Variants in POLR3B observed in about 807,000 individuals in gnomAD.
The protein encoded by POLR3B is RNA polymerase III subunit B, also known as DNA-directed RNA polymerase III subunit RPC2.
A neutral mutation model predicts 147.4 loss-of-function variants in POLR3B; 96 were observed. The observed-to-expected ratio is 0.65, with a 90% confidence interval of 0.55 to 0.77. The LOEUF is 0.77. POLR3B is among the 30% of genes least tolerant of loss of function. The probability of loss-of-function intolerance (pLI) is 0.00; values close to 1 mark genes in which losing one functional copy is unlikely to be tolerated. For synonymous variants in POLR3B, 461 were observed against 485.9 expected (o/e 0.95, Z 0.67); for missense variants, 1,036 against 1,413.5 (o/e 0.73, Z 4.28).
intron 7 of POLR3B, 22 bp from the exon 8 acceptor site, chr12:106,378,245 T>G: frequency 3.5e-6 from 5 of 1,433,236 alleles, no homozygotes; most frequent in Non-Finnish European, 4.9e-6. Flanking sequence ...ATGATGAAGT[T>G]TTTCTTGTTT....
At chr12:106,461,653 TG>T (rs1333186092) in intron 22 of POLR3B, among the ~76,000 whole-genome samples, 1 of 152,202 alleles carries the variant, frequency 6.6e-6, no homozygotes, top group African/African-American at 2.4e-5. Flanking sequence ...TGGCACATAG[TG>T]GGTATTCAGT....
chr12:106,386,410 T>C (rs17038414), intron 9 of POLR3B, among the ~76,000 whole-genome samples: 34,663 of 150,790 alleles, frequency 0.23, 4,354 homozygotes, highest in African/African-American at 0.31. Context: ...GGCAGTATGT[T>C]CCCATGCATC....
At chr12:106,477,836 C>G (rs1270227924) in intron 23 of POLR3B, among the ~76,000 whole-genome samples, 2 of 147,188 alleles carry the variant, frequency 1.4e-5, no homozygotes, top group South Asian at 2.2e-4. Flanking sequence ...GCGTCGCTCA[C>G]GGGCTGGGAG....
intron 20 of POLR3B, 152 bp from the exon 21 acceptor site, chr12:106,456,986 T>G: frequency 1.4e-6 from 1 of 718,962 alleles, no homozygotes; most frequent in Non-Finnish European, 2.5e-6. Flanking sequence ...TTTTATTTGG[T>G]TTGTACTGGT....
At chr12:106,359,065 A>G (rs2136872309) in intron 1 of POLR3B, among the ~76,000 whole-genome samples, 1 of 152,250 alleles carries the variant, frequency 6.6e-6, no homozygotes, top group South Asian at 2.1e-4. Flanking sequence ...AAATAATACA[A>G]AAATTAGCTG....
intron 23 of POLR3B, among the ~76,000 whole-genome samples, chr12:106,484,757 C>T (rs1205093681): frequency 1.3e-5 from 2 of 151,264 alleles, no homozygotes; most frequent in Middle Eastern, 3.4e-3. Flanking sequence ...AGCTGAGACA[C>T]GAAGGATACA....
intron 23 of POLR3B, among the ~76,000 whole-genome samples, chr12:106,466,729 G>T (rs917700023): frequency 5.3e-5 from 8 of 152,088 alleles, no homozygotes; most frequent in Non-Finnish European, 1.0e-4. Flanking sequence ...CATTGCTTGT[G>T]TGTGTCAGGT....
rs772535359 is a variant in POLR3B, at chr12:106,430,345, A to G, written c.1336A>G (p.Ile446Val). The G allele has an allele frequency of 6.2e-6, 10 of 1,613,928 alleles. No individual in the cohort carries two copies. The Admixed American group carries it at 1.0e-4, about 16-fold the overall frequency. ...VTQVLSRLSY[I>V]SALGMMTRIS... ...CCAAGTGCTGTCTCGCTTGTCATAT[A>G]TATCCGCACTGGGCATGATGACAAG... The change falls in exon 14 of 28, where the codon ATA (isoleucine) becomes GTA (valine). Residue 446 changes from isoleucine (I) to valine (V), a missense_variant. Around this residue, in one of 12 missense-constraint regions of POLR3B, gnomAD observed 89 missense variants for 110.9 expected, o/e 0.80. Transcript: ENST00000228347.
chr12:106,372,396 G>T (rs1461862105), intron 6 of POLR3B, among the ~76,000 whole-genome samples: 11 of 148,294 alleles, frequency 7.4e-5, no homozygotes, highest in Non-Finnish European at 1.6e-4. Flanking sequence ...GGAGTACAGT[G>T]GCATGATCTC....
At chr12:106,398,647 C>T (rs1045581569) in intron 10 of POLR3B, among the ~76,000 whole-genome samples, 1 of 152,188 alleles carries the variant, frequency 6.6e-6, no homozygotes, top group African/African-American at 2.4e-5. Context: ...TCCAGAGGAA[C>T]GATCAGGCAG....
At chr12:106,430,201 G>T (rs2037488882) in intron 13 of POLR3B, 72 bp from the exon 14 acceptor site, 5 of 1,136,028 alleles carry the variant, frequency 4.4e-6, no homozygotes, top group Admixed American at 1.7e-5. Context: ...TGAACTTCTT[G>T]GAGTGACCGC....
In POLR3B at chr12:106,358,036, G is replaced by GT. The variant is rs2036412500; in HGVS notation, c.72+85_72+86insT. The GT allele has an allele frequency of 8.9e-6, 14 of 1,570,130 alleles. No individual in the cohort carries two copies. The East Asian group carries it at 3.2e-4, about 36-fold the overall frequency. On this transcript the variant is annotated intron_variant, in intron 1 of 27. Transcript: ENST00000228347. The stretch of plus-strand genomic sequence containing the variant: ...CCGGAGTGCTCGGGCCGCCAAGGGG[G>GT]CGGGCTGGCGGTTTGTGCGCATGCG...
intron 16 of POLR3B, 129 bp downstream of exon 16, chr12:106,434,001 G>C: frequency 2.7e-6 from 2 of 753,224 alleles, no homozygotes; most frequent in South Asian, 3.5e-5. Flanking sequence ...TTAATTCCGT[G>C]AGCAAACACT....
In POLR3B at chr12:106,504,247, T is replaced by C. The variant is rs2038650205; in HGVS notation, c.3265T>C (p.Ser1089Pro). The C allele has an allele frequency of 6.2e-7, 1 of 1,613,468 alleles. No individual in the cohort carries two copies. The highest frequency in any genetic ancestry group is 8.5e-7 in the Non-Finnish European group (1 of 1,179,464). The change falls in exon 27 of 28, where the codon TCT (serine) becomes CCT (proline). Residue 1089 changes from serine to proline, a missense_variant. By Grantham distance (74) the Ser-to-Pro change is moderately conservative. Coordinates refer to ENST00000228347, the MANE Select transcript of POLR3B (RefSeq NM_018082.6). The surrounding 1 kb of genome is among the most constrained non-coding windows in gnomAD (Gnocchi z 4.6). ...VCGQCGLLGY[S>P]GWCHYCKSSC... ...TGGGCAGTGTGGACTTCTGGGGTATTCTGGCTGGTAAGTGGATACCATATG... is the reference window on the plus strand; with the variant it reads ...TGGGCAGTGTGGACTTCTGGGGTATCCTGGCTGGTAAGTGGATACCATATG...
At chr12:106,428,512 C>T (rs903523984) in intron 13 of POLR3B, among the ~76,000 whole-genome samples, 4 of 152,118 alleles carry the variant, frequency 2.6e-5, no homozygotes, top group Non-Finnish European at 4.4e-5. Flanking sequence ...GTCTGTTTCT[C>T]GTCTCTCCCT....
At chr12:106,462,448 G>T (rs1307454826) in intron 22 of POLR3B, among the ~76,000 whole-genome samples, 1 of 152,076 alleles carries the variant, frequency 6.6e-6, no homozygotes, top group Non-Finnish European at 1.5e-5. Context: ...GGTTTCACAT[G>T]TTAGGCTGGT....
intron 25 of POLR3B, among the ~76,000 whole-genome samples, chr12:106,498,533 G>A (rs955249401): frequency 2.0e-5 from 3 of 152,094 alleles, no homozygotes; most frequent in African/African-American, 7.2e-5. Context: ...GTTCTTCTGG[G>A]TGTTGTTTTT....
chr12:106,383,572 G>A (rs2036794123), intron 9 of POLR3B, among the ~76,000 whole-genome samples: 2 of 152,126 alleles, frequency 1.3e-5, no homozygotes, highest in Non-Finnish European at 2.9e-5. Flanking sequence ...GGAGACAGAT[G>A]GGGGAATAGC....
At chr12:106,460,264 A>G (rs1268385795) in intron 22 of POLR3B, among the ~76,000 whole-genome samples, 1 of 152,208 alleles carries the variant, frequency 6.6e-6, no homozygotes, top group Non-Finnish European at 1.5e-5. Context: ...CCATGATCAT[A>G]ATAGCATATT....
Sources: gnomAD v4.1 joint callset for allele counts (sites outside exome capture counted in the v4.1 genomes callset) on GRCh38, gnomAD v4.1.1 for gene constraint, gnomAD v4.1.1 regional missense constraint, Gnocchi (gnomAD v3.1) non-coding constraint, MANE v1.5 for transcripts, NCBI Gene and HGNC (gene_info 2026-07-23, HGNC 2026-07-21) for gene names.